Variants in KRT7 observed in about 807,000 individuals in gnomAD.
The protein encoded by KRT7 is keratin 7.
In KRT7, 50 loss-of-function variants were observed where a neutral mutation model predicts 42.8. The ratio of observed to expected loss-of-function variants is 1.17; its 90% confidence interval spans 0.93 to 1.48. KRT7 has a LOEUF of 1.48. Among genes scored for constraint, KRT7 ranks in the 40% most tolerant of loss-of-function variants. The pLI, the probability that KRT7 is intolerant of heterozygous loss-of-function variation, is 0.00. For missense variants in KRT7, 588 were observed against 637.6 expected (o/e 0.92, Z 0.84); for synonymous variants, 268 against 266.3 (o/e 1.01, Z -0.06).
chr12:52,235,030 C>G, intron 1 of KRT7, 125 bp from the exon 2 acceptor site: 1 of 861,880 alleles, frequency 1.2e-6, no homozygotes, highest in East Asian at 2.6e-5. Flanking sequence ...GGCTGGAAGC[C>G]CCAGGCAGGG....
chr12:52,244,321 T>G, intron 6 of KRT7: 2 of 985,578 alleles, frequency 2.0e-6, no homozygotes, highest in Non-Finnish European at 2.4e-6. Flanking sequence ...AAATGGTGGT[T>G]TCCCAAACCC....
chr12:52,252,398 C>T (rs55744808), downstream of KRT7: 3,703 of 1,614,144 alleles, frequency 2.3e-3, 10 homozygotes, highest in Non-Finnish European at 2.9e-3. Flanking sequence ...CACCCTCCAG[C>T]TCGGCCAGCT....
chr12:52,253,120 C>A, downstream of KRT7: 3 of 1,191,964 alleles, frequency 2.5e-6, no homozygotes, highest in South Asian at 3.7e-5. Flanking sequence ...TGCCCTTGTC[C>A]CCACACACTG....
chr12:52,235,882 C>T (rs546111547), intron 2 of KRT7, among the ~76,000 whole-genome samples: 1 of 152,206 alleles, frequency 6.6e-6, no homozygotes, highest in African/African-American at 2.4e-5. Flanking sequence ...ACTTGGGAAG[C>T]AAAGAAGCAG....
chr12:52,237,534 A>C lies in KRT7; in HGVS notation c.562A>C (p.Thr188Pro), dbSNP rs1565717706. 1 of 1,612,326 alleles carries C rather than the reference A, an allele frequency of 6.2e-7. No homozygotes were observed. The highest frequency in any genetic ancestry group is 8.5e-7 in the Non-Finnish European group (1 of 1,178,958). ...GTACGAAGATGAAATTAACCACCGC[A>C]CAGCTGCTGAGAATGAGTTTGTGGT... is the stretch of plus-strand genomic sequence containing the variant. ...NKYEDEINHR[T>P]AAENEFVVLK... The change falls in exon 3 of 9, where the codon ACA becomes CCA. Residue 188 changes from threonine to proline, a missense_variant. Physicochemically the swap from Thr to Pro is conservative, Grantham distance 38. Coordinates refer to ENST00000331817, the MANE Select transcript of KRT7 (RefSeq NM_005556.4).
chr12:52,245,658 GA>G (rs772799741), intron 7 of KRT7, 26 bp downstream of exon 7: 1 of 1,612,490 alleles, frequency 6.2e-7, no homozygotes. Flanking sequence ...CTGGAAAGGG[GA>G]TGCTTCTAGG....
chr12:52,245,257 C>T (rs1942150969), intron 6 of KRT7, 155 bp from the exon 7 acceptor site: 2 of 707,082 alleles, frequency 2.8e-6, no homozygotes, highest in Admixed American at 5.7e-5. Context: ...ATATCCAAAC[C>T]TATGTGTTTA....
intron 8 of KRT7, 32 bp from the exon 9 acceptor site, chr12:52,248,559 G>T (rs367918177): frequency 6.5e-7 from 1 of 1,538,138 alleles, no homozygotes; most frequent in Non-Finnish European, 8.8e-7. Context: ...GGAGCCTCAC[G>T]CTGAAGAGAG....
At chr12:52,253,294 C>T, downstream of KRT7, 2 of 1,612,864 alleles carry the variant, frequency 1.2e-6, no homozygotes, top group Non-Finnish European at 1.7e-6. Flanking sequence ...TGGTGCGGCG[C>T]AGGGTCTCCC....
chr12:52,243,243 A>G (rs1031934505), intron 6 of KRT7, 106 bp downstream of exon 6: 1 of 1,338,732 alleles, frequency 7.5e-7, no homozygotes, highest in African/African-American at 1.5e-5. Flanking sequence ...TCCCGGCCAA[A>G]GCTGGTGCCA....
chr12:52,247,706 T>C (rs1565722858), intron 7 of KRT7: 1 of 163,328 alleles, frequency 6.1e-6, no homozygotes, highest in Non-Finnish European at 1.3e-5. Context: ...TATTTTGACA[T>C]ATATTAAGCA....
downstream of KRT7, among the ~76,000 whole-genome samples, chr12:52,250,117 A>T (rs563338799): frequency 6.6e-6 from 1 of 152,248 alleles, no homozygotes; most frequent in East Asian, 1.9e-4. Context: ...ATTAGAAGAC[A>T]TTGGATTAGA....
intron 2 of KRT7, 135 bp from the exon 3 acceptor site, chr12:52,237,374 A>G: frequency 1.7e-6 from 1 of 584,474 alleles, no homozygotes. Flanking sequence ...TTTGTAGCTG[A>G]CACCTGTTTT....
At chr12:52,234,006 G>C (rs1027992379) in intron 1 of KRT7, among the ~76,000 whole-genome samples, 1 of 152,094 alleles carries the variant, frequency 6.6e-6, no homozygotes, top group South Asian at 2.1e-4. Context: ...AGAGAGGACC[G>C]TGTGGAGTCA....
rs1478962417 is a variant in KRT7, at chr12:52,242,861, C to T, written c.859-151C>T. 6.1e-6 allele frequency: 5 copies of T among 825,074 alleles called. No homozygotes were observed. The East Asian group carries it at 1.2e-4, about 19-fold the overall frequency. The allele number at this position is 825,074 out of a possible 1,614,324, so 51.1% of individuals were successfully genotyped here. On this transcript the variant is annotated intron_variant, in intron 5 of 8. Transcript: ENST00000331817. ...ATGAATCCCTTCCTCACACTGCTGTCTGGTCTCCTGGCATCGGGCAAAGGT... is the reference window on the plus strand; with the variant it reads ...ATGAATCCCTTCCTCACACTGCTGTTTGGTCTCCTGGCATCGGGCAAAGGT...
intron 7 of KRT7, 153 bp from the exon 8 acceptor site, chr12:52,248,024 C>G (rs760504532): frequency 5.5e-6 from 4 of 722,024 alleles, no homozygotes; most frequent in African/African-American, 1.7e-5. Context: ...CATGCCTCCT[C>G]GCTCCTTTTA....
downstream of KRT7, chr12:52,254,512 C>T (rs1942313534): frequency 4.9e-6 from 2 of 406,726 alleles, no homozygotes; most frequent in South Asian, 2.1e-5. Flanking sequence ...GGTATCATGC[C>T]TTGGTGAAGC....
At chr12:52,250,514 C>T, downstream of KRT7, 2 of 769,988 alleles carry the variant, frequency 2.6e-6, no homozygotes, top group Non-Finnish European at 4.4e-6. Context: ...GGCCGCAGGG[C>T]GCACACAGGC....
At chr12:52,255,277 C>G, downstream of KRT7, 1 of 450,728 alleles carries the variant, frequency 2.2e-6, no homozygotes, top group East Asian at 7.0e-5. Flanking sequence ...CCAGCTCAAA[C>G]CTTTGGGTCT....
Sources: allele counts gnomAD v4.1 joint callset (sites outside exome capture counted in the v4.1 genomes callset), GRCh38; gene constraint gnomAD v4.1.1; transcripts MANE v1.5; gene names NCBI Gene and HGNC (gene_info 2026-07-23, HGNC 2026-07-21).